Variants in GNG7 observed in about 807,000 individuals in gnomAD.
GNG7 encodes G protein subunit gamma 7, also known as guanine nucleotide-binding protein G(I)/G(S)/G(O) subunit gamma-7.
GNG7 carries 1 observed loss-of-function variant against 4.0 expected under a neutral mutation model. The ratio of observed to expected loss-of-function variants is 0.25; its 90% confidence interval spans 0.09 to 1.18. The LOEUF is 1.18. GNG7 is among the 50% of genes most tolerant of loss of function. GNG7 has a pLI of 0.50. For missense variants in GNG7, 86 were observed against 91.9 expected (o/e 0.94, Z 0.26); for synonymous variants, 34 against 36.9 (o/e 0.92, Z 0.29).
intron 2 of GNG7, among the ~76,000 whole-genome samples, chr19:2,578,114 A>G (rs1282690432): frequency 1.3e-5 from 2 of 152,138 alleles, no homozygotes; most frequent in African/African-American, 2.4e-5. Flanking sequence ...CTGAGATTAC[A>G]GGCGTGAGCC....
chr19:2,579,265 G>T (rs910132558), intron 2 of GNG7, among the ~76,000 whole-genome samples: 24 of 152,356 alleles, frequency 1.6e-4, no homozygotes, highest in African/African-American at 5.5e-4. Context: ...CACTGCCCCA[G>T]CGTAACCCAG....
At chr19:2,682,549 G>A (rs1004029985) in intron 1 of GNG7, among the ~76,000 whole-genome samples, 1 of 149,946 alleles carries the variant, frequency 6.7e-6, no homozygotes, top group African/African-American at 2.5e-5. Flanking sequence ...TGTAGTCCCA[G>A]CTACTCAGGA....
chr19:2,585,625 G>C (rs2144795851), intron 2 of GNG7, among the ~76,000 whole-genome samples: 1 of 152,304 alleles, frequency 6.6e-6, no homozygotes, highest in African/African-American at 2.4e-5. Context: ...GGGATTACCA[G>C]GGGAACTTTT....
At chr19:2,612,253 C>A (rs1054040806) in intron 2 of GNG7, among the ~76,000 whole-genome samples, 2 of 152,116 alleles carry the variant, frequency 1.3e-5, no homozygotes, top group Non-Finnish European at 2.9e-5. Flanking sequence ...TGGGGTGGGG[C>A]CATCCTGGGC....
At chr19:2,652,579 AC>A (rs1982859131) in intron 1 of GNG7, among the ~76,000 whole-genome samples, 1 of 152,090 alleles carries the variant, frequency 6.6e-6, no homozygotes, top group Non-Finnish European at 1.5e-5. Context: ...GGATCGTGCC[AC>A]CTGCACTCCA....
chr19:2,600,487 T>G (rs80144131), intron 2 of GNG7, among the ~76,000 whole-genome samples: 2 of 115,482 alleles, frequency 1.7e-5, no homozygotes, highest in East Asian at 2.3e-4. Context: ...TTTTTTTTTT[T>G]GTGAGATGGA....
intron 2 of GNG7, among the ~76,000 whole-genome samples, chr19:2,601,815 G>GA: frequency 6.6e-6 from 1 of 152,160 alleles, no homozygotes; most frequent in Non-Finnish European, 1.5e-5. Flanking sequence ...GTTGAAGCGG[G>GA]AGGCTCACTT....
intron 4 of GNG7, among the ~76,000 whole-genome samples, chr19:2,515,909 A>G (rs1348853508): frequency 6.6e-6 from 1 of 151,438 alleles, no homozygotes; most frequent in Non-Finnish European, 1.5e-5. Flanking sequence ...AAATATCACT[A>G]GTGGTAAACT....
At chr19:2,647,820 G>A (rs994989155) in intron 1 of GNG7, among the ~76,000 whole-genome samples, 2 of 152,078 alleles carry the variant, frequency 1.3e-5, no homozygotes, top group African/African-American at 2.4e-5. Context: ...CTGAGGTCAC[G>A]AGTTCGAGAC....
At chr19:2,569,596 A>G (rs1980084557) in intron 2 of GNG7, among the ~76,000 whole-genome samples, 1 of 152,102 alleles carries the variant, frequency 6.6e-6, no homozygotes, top group African/African-American at 2.4e-5. Flanking sequence ...TTCTTAAACA[A>G]AAAGTGTGAG....
At chr19:2,558,806 ATTAT>A (rs1306985842) in intron 2 of GNG7, among the ~76,000 whole-genome samples, 1 of 75,230 alleles carries the variant, frequency 1.3e-5, no homozygotes, top group African/African-American at 5.2e-5. Context: ...TTATTTATTT[ATTAT>A]TTTTTTTGGG....
chr19:2,687,414 C>T (rs1252261863), intron 1 of GNG7, among the ~76,000 whole-genome samples: 3 of 151,412 alleles, frequency 2.0e-5, no homozygotes, highest in Non-Finnish European at 4.4e-5. Flanking sequence ...GTCAGGAGTT[C>T]GAGACCAGCC....
chr19:2,698,138 G>T (rs1568288554), intron 1 of GNG7, among the ~76,000 whole-genome samples: 1 of 146,732 alleles, frequency 6.8e-6, no homozygotes, highest in African/African-American at 2.5e-5. Context: ...GTGGTGGTGG[G>T]TGCCTGTAGT....
At chr19:2,606,655 C>CAAA (rs137921403) in intron 2 of GNG7, among the ~76,000 whole-genome samples, 73 of 29,514 alleles carry the variant, frequency 2.5e-3, no homozygotes, top group Middle Eastern at 0.038. Flanking sequence ...AACTCTGTCT[C>CAAA]AAAAAAAAAT....
rs145587008 is a variant in GNG7, at chr19:2,699,428, C to T, written c.-135+3218G>A. The stretch of plus-strand genomic sequence containing the variant: ...CCTCCCAAAGTGCTGAGATTACAGG[C>T]GTGAGCCACCGCACCCAGCCATAAG... On this transcript the variant is annotated intron_variant, in intron 1 of 4. Coordinates refer to ENST00000382159, the MANE Select transcript of GNG7 (RefSeq NM_052847.3). 6.3e-3 allele frequency among the ~76,000 whole-genome samples: 966 copies of T among 152,238 alleles called. 11 individuals carry two copies. Among genetic ancestry groups the T allele is most frequent in the African/African-American group, 0.022 (904 of 41,536 alleles).
chr19:2,689,356 G>T (rs955587541), intron 1 of GNG7, among the ~76,000 whole-genome samples: 1 of 151,706 alleles, frequency 6.6e-6, no homozygotes, highest in African/African-American at 2.4e-5. Flanking sequence ...ATTTGGGCCG[G>T]GCTCGGTGGG....
rs147726265 is a variant in GNG7 at position 2,616,417 on chromosome 19, G to GT, written c.-78+29806dup. Reference sequence around the variant, plus strand: ...GTGCCACCGTGCCCAGCTAATTTTTGTATTTTTAGTAGAGATGAGGTTTTG... The same window carrying GT: ...GTGCCACCGTGCCCAGCTAATTTTTGTTATTTTTAGTAGAGATGAGGTTTTG... On this transcript the variant is annotated intron_variant, in intron 2 of 4. Coordinates refer to ENST00000382159, the MANE Select transcript of GNG7 (RefSeq NM_052847.3). Among the ~76,000 whole-genome samples the GT allele has an allele frequency of 4.4e-3, 670 of 150,916 alleles. 6 individuals carry two copies. The highest frequency in any genetic ancestry group is 0.015 in the African/African-American group (635 of 41,254).
At chr19:2,688,344 G>A (rs1237679331) in intron 1 of GNG7, among the ~76,000 whole-genome samples, 1 of 152,182 alleles carries the variant, frequency 6.6e-6, no homozygotes, top group Non-Finnish European at 1.5e-5. Flanking sequence ...GGGGAAGTGG[G>A]GAGTTCCCTC....
intron 3 of GNG7, among the ~76,000 whole-genome samples, chr19:2,521,953 G>T (rs995936672): frequency 2.6e-5 from 4 of 152,102 alleles, no homozygotes; most frequent in Non-Finnish European, 5.9e-5. Context: ...CCATGCTGTT[G>T]CTTCTTGAAT....
Sources: gnomAD v4.1 joint callset for allele counts (sites outside exome capture counted in the v4.1 genomes callset) on GRCh38, gnomAD v4.1.1 for gene constraint, MANE v1.5 for transcripts, NCBI Gene and HGNC (gene_info 2026-07-23, HGNC 2026-07-21) for gene names.